Variants in DMRTC1 observed in about 807,000 individuals in gnomAD.
DMRTC1 encodes the protein doublesex- and mab-3-related transcription factor C1.
For synonymous variants in DMRTC1, 7 were observed against 14.1 expected, an observed-to-expected ratio of 0.50 and a Z score of 1.13; for missense variants, 9 against 34.6, an observed-to-expected ratio of 0.26 and a Z score of 1.86.
intron 1 of DMRTC1, among the ~76,000 whole-genome samples, chrX:72,905,732 C>A (rs1382278297): frequency 4.3e-4 from 27 of 63,375 alleles, no homozygotes; most frequent in African/African-American, 1.7e-3. Flanking sequence ...AATCTCCTCA[C>A]CTCGTGATCC....
At chrX:72,881,922 C>T (rs782760646) in intron 1 of DMRTC1, among the ~76,000 whole-genome samples, 1 of 114,426 alleles carries the variant, frequency 8.7e-6, no homozygotes, top group South Asian at 3.4e-4. Flanking sequence ...ATCGGTGATG[C>T]TGTTTGTATT....
chrX:72,882,173 C>T (rs1159605992), intron 1 of DMRTC1, among the ~76,000 whole-genome samples: 1 of 77,372 alleles, frequency 1.3e-5, no homozygotes, highest in Admixed American at 1.5e-4. Context: ...TTCATTTCTG[C>T]TTTTATGGAT....
At chrX:72,886,693 C>T (rs1216711741) in intron 1 of DMRTC1, among the ~76,000 whole-genome samples, 1 of 37,162 alleles carries the variant, frequency 2.7e-5, no homozygotes, top group Admixed American at 3.2e-4. Flanking sequence ...TCCCCCAACC[C>T]CTCAGGATTT....
In DMRTC1 at chrX:72,913,216, C is replaced by T. The variant is rs1486794243; in HGVS notation, c.-95+30359G>A. Reference sequence around the variant, plus strand: ...CCAAGCCAGAAATCCCCAGGGCTCCCGAGGGTCCACTTGTCACTCTGCTTT... The same window carrying T: ...CCAAGCCAGAAATCCCCAGGGCTCCTGAGGGTCCACTTGTCACTCTGCTTT... On this transcript the variant is annotated intron_variant, in intron 1 of 6. Transcript: ENST00000615063. 8.1e-6 allele frequency: 7 copies of T among 868,585 alleles called. 2 individuals are homozygous for T. In the East Asian group the frequency reaches 9.9e-5, roughly 12 times the overall value. The allele number at this position is 868,585 out of a possible 1,213,427, so 71.6% of individuals were successfully genotyped here.
intron 1 of DMRTC1, among the ~76,000 whole-genome samples, chrX:72,880,668 TG>T (rs1556352867): frequency 7.9e-4 from 13 of 16,558 alleles, no homozygotes; most frequent in Non-Finnish European, 2.2e-3. Flanking sequence ...CTCTTTGCTT[TG>T]CTTTGCTTTT....
At chrX:72,887,009 G>A (rs2054883660) in intron 1 of DMRTC1, among the ~76,000 whole-genome samples, 1 of 82,592 alleles carries the variant, frequency 1.2e-5, no homozygotes, top group African/African-American at 4.9e-5. Flanking sequence ...TGTAAATGGG[G>A]TTGCCCTTTT....
chrX:72,916,275 A>G (rs1190561262), intron 1 of DMRTC1, among the ~76,000 whole-genome samples: 2 of 109,224 alleles, frequency 1.8e-5, no homozygotes, highest in African/African-American at 7.3e-5. Context: ...CACAAGAGGG[A>G]GCCAAGATAC....
At chrX:72,876,922 C>G (rs1473983115) in intron 1 of DMRTC1, among the ~76,000 whole-genome samples, 1 of 109,300 alleles carries the variant, frequency 9.1e-6, no homozygotes, top group Admixed American at 9.9e-5. Context: ...GGCTGGAGGG[C>G]AATGGTGTGA....
At position 72,872,635 on chromosome X, in the gene DMRTC1, C is replaced by T. The variant is rs1215926898; in HGVS notation, c.467-71G>A. ...CCCTTCCAGATCTACTCTTTTTATGCGTCCCGCCCAACCAAAGATTTGTCA... is the reference window on the plus strand; with the variant it reads ...CCCTTCCAGATCTACTCTTTTTATGTGTCCCGCCCAACCAAAGATTTGTCA... On this transcript the variant is annotated intron_variant, in intron 6 of 6. Coordinates refer to ENST00000615063, the MANE Select transcript of DMRTC1 (RefSeq NM_033053.3). The T allele has an allele frequency of 1.4e-4, 165 of 1,186,576 alleles. No individual in the cohort carries two copies. The African/African-American group carries it at 2.3e-3, about 17-fold the overall frequency.
At chrX:72,913,172 C>G in intron 1 of DMRTC1, 2 of 655,838 alleles carry the variant, frequency 3.0e-6, no homozygotes, top group South Asian at 4.6e-5. Flanking sequence ...CCTTCCTGTT[C>G]CACCAAGAGA....
chrX:72,879,650 T>G (rs1231485509), intron 1 of DMRTC1, among the ~76,000 whole-genome samples: 2 of 106,283 alleles, frequency 1.9e-5, no homozygotes, highest in African/African-American at 6.8e-5. Context: ...TCCAAAACCT[T>G]CAGCCAAGTT....
intron 1 of DMRTC1, among the ~76,000 whole-genome samples, chrX:72,902,922 A>G (rs2054912535): frequency 1.5e-5 from 1 of 65,098 alleles, no homozygotes; most frequent in Non-Finnish European, 2.5e-5. Context: ...ACACACACAC[A>G]CACACACACA....
At chrX:72,875,040 G>A in intron 3 of DMRTC1, 82 bp from the exon 4 acceptor site, 1 of 133,055 alleles carries the variant, frequency 7.5e-6, no homozygotes, top group African/African-American at 2.3e-4. Flanking sequence ...TTTAGGATGA[G>A]GATAGGAGCC....
chrX:72,916,294 G>A (rs2054988472), intron 1 of DMRTC1, among the ~76,000 whole-genome samples: 1 of 109,487 alleles, frequency 9.1e-6, no homozygotes, highest in Admixed American at 9.3e-5. Context: ...ACAGTCCCTG[G>A]TTGATCTGAG....
chrX:72,880,658 C>T (rs868916743), intron 1 of DMRTC1, among the ~76,000 whole-genome samples: 7 of 9,602 alleles, frequency 7.3e-4, no homozygotes, highest in East Asian at 0.018. Flanking sequence ...TTTGCTTTTT[C>T]TCTTTGCTTT....
chrX:72,882,155 T>C (rs1453007980), intron 1 of DMRTC1, among the ~76,000 whole-genome samples: 4 of 79,572 alleles, frequency 5.0e-5, no homozygotes, highest in African/African-American at 1.4e-4. Flanking sequence ...ATTTCTCTAA[T>C]TCTATAATTC....
chrX:72,913,075 A>G (rs2054962880), intron 1 of DMRTC1: 1 of 485,017 alleles, frequency 2.1e-6, no homozygotes, highest in African/African-American at 2.7e-5. Context: ...GGGCCCTGGC[A>G]TGTTTCATCA....
chrX:72,886,802 T>C (rs1480645786), intron 1 of DMRTC1, among the ~76,000 whole-genome samples: 1 of 58,796 alleles, frequency 1.7e-5, no homozygotes, highest in Non-Finnish European at 2.9e-5. Flanking sequence ...TGGGATTGCA[T>C]TGAATCTGTA....
At chrX:72,887,140 T>C (rs1192955625) in intron 1 of DMRTC1, among the ~76,000 whole-genome samples, 1 of 33,387 alleles carries the variant, frequency 3.0e-5, no homozygotes, top group Non-Finnish European at 4.8e-5. Flanking sequence ...ATCTAGGTTT[T>C]AAGCCCCGCA....
Sources: allele counts gnomAD v4.1 joint callset (sites outside exome capture counted in the v4.1 genomes callset), GRCh38; gene constraint gnomAD v4.1.1; transcripts MANE v1.5; gene names NCBI Gene and HGNC (gene_info 2026-07-23, HGNC 2026-07-21).